POU2F1: variants seen among roughly 807,000 people sequenced by gnomAD.
POU2F1 encodes POU class 2 homeobox 1, also known as POU domain, class 2, transcription factor 1.
Under a neutral mutation model 84.9 loss-of-function variants are expected in POU2F1, and 16 were observed. The observed-to-expected ratio is 0.19, with a 90% CI of 0.13 to 0.29. The LOEUF (loss-of-function observed/expected upper bound fraction) is 0.29. Ranked by LOEUF, POU2F1 falls within the 10% of genes least tolerant of loss-of-function variation. POU2F1 has a pLI of 1.00. For missense variants in POU2F1, 738 were observed against 942.6 expected (o/e 0.78, Z 2.84); for synonymous variants, 368 against 368.3 (o/e 1.00, Z 0.01).
At chr1:167,280,832 C>T (rs1338411102) in intron 1 of POU2F1, among the ~76,000 whole-genome samples, 2 of 152,208 alleles carry the variant, frequency 1.3e-5, no homozygotes, top group Non-Finnish European at 2.9e-5. Context: ...AAGCAGTCCT[C>T]ATGCCAAAGG....
At chr1:167,385,666 T>C (rs895163324) in intron 8 of POU2F1, among the ~76,000 whole-genome samples, 4 of 150,946 alleles carry the variant, frequency 2.6e-5, no homozygotes, top group African/African-American at 9.9e-5. Context: ...TGATGGGTCA[T>C]AGACCTAAAC....
At position 167,376,061 on chromosome 1, in the gene POU2F1, G is replaced by C. The variant is rs1461087806; in HGVS notation, c.624G>C (p.Gln208His). The stretch of plus-strand genomic sequence containing the variant: ...AACAACTGCAACAGCTTCAACAGCA[G>C]AATCTCAACCTGCAACAGTTTGTGT... ...DLQQLQQLQQQNLNLQQFVLV... is the reference protein window; with the variant it reads ...DLQQLQQLQQHNLNLQQFVLV... Residue 208 changes from glutamine (Q) to histidine (H), a missense_variant, in exon 7 of 16, where the codon CAG becomes CAC. Physicochemically the swap from Gln to His is conservative, Grantham distance 24. This residue lies in a region of POU2F1 where 163 missense variants were observed against 214.4 expected (regional missense o/e 0.76). Coordinates refer to ENST00000367866, the MANE Select transcript of POU2F1 (RefSeq NM_002697.4). 1 of 1,614,090 alleles carries C rather than the reference G, an allele frequency of 6.2e-7. No individual in the cohort carries two copies. Among genetic ancestry groups the C allele is most frequent in the African/African-American group, 1.3e-5 (1 of 74,938 alleles).
At chr1:167,324,658 A>G (rs1233821677) in intron 1 of POU2F1, among the ~76,000 whole-genome samples, 4 of 151,780 alleles carry the variant, frequency 2.6e-5, no homozygotes, top group Non-Finnish European at 4.4e-5. Context: ...TGAGTCCCCA[A>G]CCCCCACCAT....
At position 167,245,269 on chromosome 1, in the gene POU2F1, G is replaced by T. The variant is rs145629805; in HGVS notation, c.61+24311G>T. Reference sequence around the variant, plus strand: ...TTTTTTTTTTTTTGTTTGAGACAGGGTCTCATTCTGTCACCCAGCTGGAAT... The same window carrying T: ...TTTTTTTTTTTTTGTTTGAGACAGGTTCTCATTCTGTCACCCAGCTGGAAT... On this transcript the variant is annotated intron_variant, in intron 1 of 15. Coordinates refer to ENST00000367866, the MANE Select transcript of POU2F1 (RefSeq NM_002697.4). Among the ~76,000 whole-genome samples, 933 of 151,510 alleles carry T rather than the reference G, an allele frequency of 6.2e-3. 4 individuals carry two copies. Among genetic ancestry groups the T allele is most frequent in the African/African-American group, 0.021 (875 of 41,288 alleles).
chr1:167,300,677 A>G (rs1654625830), intron 1 of POU2F1, among the ~76,000 whole-genome samples: 1 of 152,032 alleles, frequency 6.6e-6, no homozygotes, highest in Non-Finnish European at 1.5e-5. Context: ...GTTGGCCAGG[A>G]TGGTCTCGAT....
At chr1:167,330,845 C>T (rs887477608) in intron 1 of POU2F1, among the ~76,000 whole-genome samples, 1 of 152,062 alleles carries the variant, frequency 6.6e-6, no homozygotes, top group Non-Finnish European at 1.5e-5. Context: ...AAAACTGTTA[C>T]TCTTTTTATG....
chr1:167,324,411 C>T (rs1464446253), intron 1 of POU2F1, among the ~76,000 whole-genome samples: 2 of 147,114 alleles, frequency 1.4e-5, no homozygotes, highest in African/African-American at 2.7e-5. Flanking sequence ...CAGTGAAAAA[C>T]GTAAAAATCT....
intron 1 of POU2F1, among the ~76,000 whole-genome samples, chr1:167,301,297 G>A (rs1416400580): frequency 2.6e-5 from 4 of 152,168 alleles, no homozygotes; most frequent in Admixed American, 6.5e-5. Flanking sequence ...TGGGCATTTT[G>A]TAACTTTTCA....
chr1:167,352,789 CTG>C (rs1388950695), intron 2 of POU2F1, among the ~76,000 whole-genome samples: 6 of 152,186 alleles, frequency 3.9e-5, no homozygotes, highest in Non-Finnish European at 7.3e-5. Context: ...TCATATTCAT[CTG>C]TGTCATATGT....
chr1:167,270,297 A>G (rs1023875385), intron 1 of POU2F1, among the ~76,000 whole-genome samples: 3 of 152,064 alleles, frequency 2.0e-5, no homozygotes, highest in Non-Finnish European at 2.9e-5. Flanking sequence ...TAAAAAAAAA[A>G]GGCCTGTTAA....
At chr1:167,319,000 C>T (rs1212838930) in intron 1 of POU2F1, 1 of 153,548 alleles carries the variant, frequency 6.5e-6, no homozygotes, top group Non-Finnish European at 1.5e-5. Flanking sequence ...GACTGGTTGT[C>T]CTGCTTTCCT....
intron 10 of POU2F1, among the ~76,000 whole-genome samples, chr1:167,397,199 T>A (rs537399129): frequency 6.6e-5 from 10 of 152,342 alleles, no homozygotes; most frequent in Admixed American, 6.5e-4. Context: ...GTTATTAAAC[T>A]GTGAAATTAT....
chr1:167,248,333 G>A (rs765257284), intron 1 of POU2F1, among the ~76,000 whole-genome samples: 2 of 152,154 alleles, frequency 1.3e-5, no homozygotes, highest in African/African-American at 2.4e-5. Flanking sequence ...AGGCTTTATC[G>A]TCTAATTTCC....
At chr1:167,263,859 G>A (rs1159427738) in intron 1 of POU2F1, among the ~76,000 whole-genome samples, 3 of 152,154 alleles carry the variant, frequency 2.0e-5, no homozygotes, top group Admixed American at 1.3e-4. Flanking sequence ...AGAATAAAAG[G>A]GAGGGAAGAT....
At chr1:167,237,736 A>ATGTGTGTGTG (rs201151600) in intron 1 of POU2F1, among the ~76,000 whole-genome samples, 5 of 104,606 alleles carry the variant, frequency 4.8e-5, no homozygotes, top group South Asian at 3.0e-4. Flanking sequence ...AAATCCATAT[A>ATGTGTGTGTG]TGTGTGTGTG....
chr1:167,261,151 C>T (rs1284320549), intron 1 of POU2F1, among the ~76,000 whole-genome samples: 1 of 151,864 alleles, frequency 6.6e-6, no homozygotes, highest in East Asian at 1.9e-4. Context: ...TAAAATTTGT[C>T]TGATTACTGA....
At chr1:167,324,238 G>A (rs1656532895) in intron 1 of POU2F1, among the ~76,000 whole-genome samples, 1 of 151,954 alleles carries the variant, frequency 6.6e-6, no homozygotes, top group Non-Finnish European at 1.5e-5. Flanking sequence ...CACTTTTAAA[G>A]CAGTGTTTTT....
chr1:167,302,611 T>C (rs1391349627), intron 1 of POU2F1, among the ~76,000 whole-genome samples: 1 of 152,172 alleles, frequency 6.6e-6, no homozygotes, highest in Non-Finnish European at 1.5e-5. Flanking sequence ...GTTTGTACCA[T>C]TGCATCTCAG....
chr1:167,340,356 A>G (rs1475555851), intron 2 of POU2F1, among the ~76,000 whole-genome samples: 1 of 151,558 alleles, frequency 6.6e-6, no homozygotes, highest in East Asian at 1.9e-4. Flanking sequence ...CTGGGATTAG[A>G]GGTGTGAGCA....
Sources: allele counts gnomAD v4.1 joint callset (sites outside exome capture counted in the v4.1 genomes callset), GRCh38; gene constraint gnomAD v4.1.1; regional missense constraint gnomAD v4.1.1; transcripts MANE v1.5; gene names NCBI Gene and HGNC (gene_info 2026-07-23, HGNC 2026-07-21).